Variants in DOCK1 observed in about 807,000 individuals in gnomAD.
DOCK1 encodes dedicator of cytokinesis protein 1.
DOCK1 carries 138 observed loss-of-function variants against 262.7 expected under a neutral mutation model. The ratio of observed to expected loss-of-function variants is 0.53; its 90% CI spans 0.46 to 0.61. The LOEUF (loss-of-function observed/expected upper bound fraction) is 0.61. Ranked by LOEUF, DOCK1 falls within the 20% of genes least tolerant of loss-of-function variation. DOCK1 has a pLI of 0.00. For synonymous variants in DOCK1, 866 were observed against 867.4 expected (o/e 1.00, Z 0.03); for missense variants, 1,908 against 2,370.7 (o/e 0.80, Z 4.05).
intron 51 of DOCK1, among the ~76,000 whole-genome samples, chr10:127,450,064 AATAG>A (rs1470974168): frequency 6.6e-6 from 1 of 152,178 alleles, no homozygotes; most frequent in African/African-American, 2.4e-5. Context: ...CAGACCTCAA[AATAG>A]ATGTCTCTTT....
intron 47 of DOCK1, among the ~76,000 whole-genome samples, chr10:127,427,310 G>A (rs11018049): frequency 0.095 from 14,449 of 152,220 alleles, 850 homozygotes; most frequent in South Asian, 0.17. Context: ...GGTGTCGAGT[G>A]GGGTGTGCCA....
intron 1 of DOCK1, among the ~76,000 whole-genome samples, chr10:126,907,195 C>T (rs1015052335): frequency 2.6e-5 from 4 of 152,022 alleles, no homozygotes; most frequent in African/African-American, 9.7e-5. Flanking sequence ...GGGGTCCCTG[C>T]GGGGGTAGTG....
chr10:127,157,204 G>A (rs952657494), intron 27 of DOCK1, among the ~76,000 whole-genome samples: 5 of 152,204 alleles, frequency 3.3e-5, no homozygotes, highest in African/African-American at 1.2e-4. Context: ...GTGAGACCTG[G>A]ATGGTAATGA....
At chr10:127,183,221 G>A (rs1655998466) in intron 27 of DOCK1, among the ~76,000 whole-genome samples, 1 of 151,738 alleles carries the variant, frequency 6.6e-6, no homozygotes, top group South Asian at 2.1e-4. Context: ...AGTCTTATTT[G>A]AGGATACCCT....
chr10:127,003,232 G>A (rs1362441441), intron 10 of DOCK1, among the ~76,000 whole-genome samples: 1 of 152,038 alleles, frequency 6.6e-6, no homozygotes, highest in Non-Finnish European at 1.5e-5. Context: ...GAACCTTTAT[G>A]AACCTGTGTG....
At chr10:127,050,201 T>C (rs1466035069) in intron 21 of DOCK1, among the ~76,000 whole-genome samples, 1 of 151,592 alleles carries the variant, frequency 6.6e-6, no homozygotes, top group African/African-American at 2.4e-5. Flanking sequence ...TTGGAATTCC[T>C]GGTGTCAAAG....
chr10:127,205,778 C>T (rs911222450), intron 27 of DOCK1, among the ~76,000 whole-genome samples: 3 of 152,134 alleles, frequency 2.0e-5, no homozygotes, highest in East Asian at 1.9e-4. Context: ...AAATAAGCTC[C>T]GTTAAAGCAG....
At chr10:127,152,294 T>C (rs2052576737) in intron 27 of DOCK1, among the ~76,000 whole-genome samples, 1 of 152,162 alleles carries the variant, frequency 6.6e-6, no homozygotes, top group Non-Finnish European at 1.5e-5. Flanking sequence ...GCAAGATGAG[T>C]GGAGTGAAAA....
Position 126,987,620 on chromosome 10 carries a change from G to C in DOCK1, c.324+3G>C. The stretch of plus-strand genomic sequence containing the variant: ...CCATCTGGAGGCAGCTCTACGTGGT[G>C]AGAAAATGAGATATTCATTCAAAGC... On this transcript the variant is annotated splice_donor_region_variant and intron_variant, in intron 5 of 51. Transcript: ENST00000623213. The C allele has an allele frequency of 1.3e-6, 2 of 1,553,040 alleles. No individual in the cohort carries two copies. The highest frequency in any genetic ancestry group is 1.7e-6 in the Non-Finnish European group (2 of 1,147,214).
intron 47 of DOCK1, 53 bp downstream of exon 47, chr10:127,426,064 A>G: frequency 6.2e-7 from 1 of 1,608,582 alleles, no homozygotes; most frequent in East Asian, 2.2e-5. Context: ...TGGGCATCCC[A>G]CTGTTGAACA....
At chr10:127,303,020 A>G (rs537231262) in intron 29 of DOCK1, among the ~76,000 whole-genome samples, 34 of 152,316 alleles carry the variant, frequency 2.2e-4, no homozygotes, top group Middle Eastern at 3.4e-3. Flanking sequence ...TCAGAAACAA[A>G]AACACCATGT....
At chr10:127,125,372 A>G in intron 25 of DOCK1, 102 bp from the exon 26 acceptor site, 1 of 1,525,402 alleles carries the variant, frequency 6.6e-7, no homozygotes, top group Non-Finnish European at 8.8e-7. Flanking sequence ...CGTGTTGCAC[A>G]ACGTGAATGC....
chr10:126,925,769 T>TGC lies in DOCK1; in HGVS notation c.46+20209_46+20210dup, dbSNP rs1554956789. 3.1e-3 allele frequency among the ~76,000 whole-genome samples: 427 copies of TGC among 139,548 alleles called. 5 individuals are homozygous for TGC. The highest frequency in any genetic ancestry group is 0.011 in the Middle Eastern group (3 of 276). 91.5% of individuals were successfully genotyped at this position (139,548 alleles called of 152,430 possible). On this transcript the variant is annotated intron_variant, in intron 1 of 51. Coordinates refer to ENST00000623213, the MANE Select transcript of DOCK1 (RefSeq NM_001290223.2). ...GTGTGTGTGTGTGTGTGTGTGTGTG[T>TGC]GCGCCTAGGTGCATCTGCAGAAATA...
intron 1 of DOCK1, among the ~76,000 whole-genome samples, chr10:126,919,795 G>A (rs964902418): frequency 1.2e-4 from 19 of 152,212 alleles, no homozygotes; most frequent in African/African-American, 3.6e-4. Context: ...GAGGGCCCTC[G>A]AGGGTGAGGC....
At chr10:127,250,930 C>T (rs909870791) in intron 28 of DOCK1, among the ~76,000 whole-genome samples, 2 of 150,424 alleles carry the variant, frequency 1.3e-5, no homozygotes, top group African/African-American at 2.4e-5. Context: ...TGTTTGTTAA[C>T]TATACCGAGT....
At chr10:127,140,295 G>A (rs906527225) in intron 27 of DOCK1, among the ~76,000 whole-genome samples, 1 of 152,094 alleles carries the variant, frequency 6.6e-6, no homozygotes, top group Non-Finnish European at 1.5e-5. Flanking sequence ...AAAATGACTC[G>A]ACTTTATCTG....
At position 127,446,272 on chromosome 10, in the gene DOCK1, A is replaced by AG. The variant is rs2070546458; in HGVS notation, c.5414-1122_5414-1121insG. On this transcript the variant is annotated intron_variant, in intron 50 of 51. Transcript: ENST00000623213. The surrounding 1 kb of genome is among the most constrained non-coding windows in gnomAD (Gnocchi z 4.4). ...CCCAAACAAAAAGAAAAGAAAAAAA[A>AG]AAAGAAAGTAGAATAGAGGATACTA... Among the ~76,000 whole-genome samples, 1 of 151,858 alleles carries AG rather than the reference A, an allele frequency of 6.6e-6. No individual in the cohort carries two copies.
intron 1 of DOCK1, among the ~76,000 whole-genome samples, chr10:126,938,673 A>G (rs1405141063): frequency 9.9e-5 from 15 of 152,164 alleles, no homozygotes; most frequent in Non-Finnish European, 1.9e-4. Context: ...TCAAGGCACT[A>G]GCAAATTCTG....
rs536420136 is a variant in DOCK1 at position 127,100,925 on chromosome 10, G to T, written c.2446-5306G>T. On this transcript the variant is annotated intron_variant, in intron 23 of 51. Coordinates refer to ENST00000623213, the MANE Select transcript of DOCK1 (RefSeq NM_001290223.2). This position sits in a 1 kb window ranked among gnomAD's most constrained non-coding sequence, Gnocchi z 5.5. ...GTATTGTCCGATGGAGCAGAGGCTCGCAGGGCCTGGGGCTGCTTTTCCGGG... is the reference window on the plus strand; with the variant it reads ...GTATTGTCCGATGGAGCAGAGGCTCTCAGGGCCTGGGGCTGCTTTTCCGGG... Among the ~76,000 whole-genome samples the T allele has an allele frequency of 1.6e-3, 247 of 152,184 alleles. No homozygotes were observed. Among genetic ancestry groups the T allele is most frequent in the African/African-American group, 4.2e-3 (173 of 41,542 alleles).
Sources: allele counts gnomAD v4.1 joint callset (sites outside exome capture counted in the v4.1 genomes callset), GRCh38; gene constraint gnomAD v4.1.1; non-coding constraint Gnocchi (gnomAD v3.1); transcripts MANE v1.5; gene names NCBI Gene and HGNC (gene_info 2026-07-23, HGNC 2026-07-21).